The following CACNA1F variants were observed in gnomAD, a reference collection of about 807,000 sequenced individuals.
CACNA1F encodes calcium voltage-gated channel subunit alpha1 F, also known as voltage-dependent L-type calcium channel subunit alpha-1F.
In CACNA1F, 59 loss-of-function variants were observed where a neutral mutation model predicts 143.8. That is an observed-to-expected ratio of 0.41 (90% CI 0.33 to 0.51). The LOEUF (loss-of-function observed/expected upper bound fraction) is 0.51. Among genes scored for constraint, CACNA1F ranks in the 20% least tolerant of loss-of-function variants. The probability of loss-of-function intolerance (pLI) is 0.22; values close to 1 mark genes in which losing one functional copy is unlikely to be tolerated. For missense variants in CACNA1F, 1,411 were observed against 1,647.5 expected, an observed-to-expected ratio of 0.86 and a Z score of 2.48; for synonymous variants, 643 against 649.1, an observed-to-expected ratio of 0.99 and a Z score of 0.14.
rs781924581 is a variant in CACNA1F at position 49,205,127 on chromosome X, G to GGGTGGGAATTCAGAGGGCGT, written c.5891_*9dup. On this transcript the variant is annotated 3_prime_UTR_variant, in exon 48 of 48. Coordinates refer to ENST00000323022, the MANE Select transcript of CACNA1F (RefSeq NM_001256789.3). Reference sequence around the variant, plus strand: ...GGAGGTTTATTGAGCAGTTGGGGAGGGGTGGGAATTCAGAGGGCGTGGACG... The same window carrying GGGTGGGAATTCAGAGGGCGT: ...GGAGGTTTATTGAGCAGTTGGGGAGGGGTGGGAATTCAGAGGGCGTGGTGGGAATTCAGAGGGCGTGGACG... 1 of 1,170,254 alleles carries GGGTGGGAATTCAGAGGGCGT rather than the reference G, an allele frequency of 8.5e-7. No homozygotes were observed.
At chrX:49,212,636 G>C in intron 33 of CACNA1F, 31 bp downstream of exon 33, 1 of 1,201,278 alleles carries the variant, frequency 8.3e-7, no homozygotes, top group Non-Finnish European at 1.1e-6. Flanking sequence ...TGGGGGCGAG[G>C]TATGGTCAAA....
In CACNA1F at chrX:49,214,222, G is replaced by A. The variant is rs782541571; in HGVS notation, c.3645C>T (p.Asn1215=). ...TAGTGAAGAGGCCAGTGAAGACCAT[G>A]TTGAGGATGTCCATGGCATAGTTGA... is the stretch of plus-strand genomic sequence containing the variant. The part of the protein sequence containing the change: ...APFNYAMDIL[N]MVFTGLFTIE... The change falls in exon 30 of 48, where the codon AAC becomes AAT. Residue 1215 remains asparagine, a synonymous_variant. Transcript: ENST00000323022. 1 of 1,203,770 alleles carries A rather than the reference G, an allele frequency of 8.3e-7. No homozygotes were observed. Among genetic ancestry groups the A allele is most frequent in the Non-Finnish European group, 1.1e-6 (1 of 887,790 alleles).
At chrX:49,209,457 T>C in intron 41 of CACNA1F, 64 bp from the exon 42 acceptor site, 1 of 1,162,842 alleles carries the variant, frequency 8.6e-7, no homozygotes, top group Non-Finnish European at 1.2e-6. Flanking sequence ...CTGTTTCCCC[T>C]GCAGGCGGGT....
chrX:49,220,494 C>G lies in CACNA1F; in HGVS notation c.2365G>C (p.Gly789Arg). The G allele has an allele frequency of 1.7e-6, 2 of 1,208,615 alleles. No homozygotes were observed. The highest frequency in any genetic ancestry group is 2.2e-6 in the Non-Finnish European group (2 of 893,342). The change falls in exon 19 of 48, where the codon GGT becomes CGT. Residue 789 changes from glycine (G) to arginine (R), a missense_variant. Physicochemically the swap from Gly to Arg is moderately radical, Grantham distance 125 (BLOSUM62 -2). Transcript: ENST00000323022. ...VPGVEKEEEE[G>R]ARREGADMEE... ...TTGCCTGCTCCTTCCCTCCTTGCACCCTCCTCTTCCTCTTTCTCCACACCA... is the reference window on the plus strand; with the variant it reads ...TTGCCTGCTCCTTCCCTCCTTGCACGCTCCTCTTCCTCTTTCTCCACACCA...
chrX:49,230,425 C>A (rs1461820701), intron 5 of CACNA1F, 42 bp downstream of exon 5: 1 of 1,206,374 alleles, frequency 8.3e-7, no homozygotes, highest in African/African-American at 1.7e-5. Flanking sequence ...CTCAGCCCCA[C>A]CCCCACCCTC....
intron 6 of CACNA1F, among the ~76,000 whole-genome samples, chrX:49,228,917 C>A (rs1053491796): frequency 2.7e-5 from 3 of 111,930 alleles, no homozygotes; most frequent in East Asian, 5.6e-4. Context: ...AGGGCAGAAC[C>A]CTGCGAGCTC....
At position 49,215,208 on chromosome X, in the gene CACNA1F, G is replaced by A. The variant is rs2065698901; in HGVS notation, c.3475C>T (p.Leu1159Phe). The change falls in exon 29 of 48, where the codon CTC becomes TTC. Residue 1159 changes from leucine (L) to phenylalanine (F), a missense_variant. Leu to Phe is a conservative substitution (Grantham distance 22). Coordinates refer to ENST00000323022, the MANE Select transcript of CACNA1F (RefSeq NM_001256789.3). ...CVEYALKAQPLRRYIPKNPHQ... is the reference protein window; with the variant it reads ...CVEYALKAQPFRRYIPKNPHQ... ...GGGTTCTTGGGGATGTAACGGCGGAGTGGCTGGGCCTTGAGGGCATATTCC... is the reference window on the plus strand; with the variant it reads ...GGGTTCTTGGGGATGTAACGGCGGAATGGCTGGGCCTTGAGGGCATATTCC... The A allele has an allele frequency of 8.3e-7, 1 of 1,208,792 alleles. No individual in the cohort carries two copies. Among genetic ancestry groups the A allele is most frequent in the Admixed American group, 2.2e-5 (1 of 45,630 alleles).
At chrX:49,211,857 AC>A in intron 35 of CACNA1F, 40 bp downstream of exon 35, 3 of 1,108,709 alleles carry the variant, frequency 2.7e-6, no homozygotes, top group Non-Finnish European at 3.7e-6. Flanking sequence ...GTGGGTGGGC[AC>A]CCACGGGCAT....
In CACNA1F at chrX:49,210,350, G is replaced by T. The variant is rs1557105900; in HGVS notation, c.4539C>A (p.Asn1513Lys). Residue 1513 changes from asparagine to lysine, a missense_variant, in exon 39 of 48, where the codon AAC becomes AAA. Around this residue, in one of 3 missense-constraint regions of CACNA1F, gnomAD observed 112 missense variants for 169.2 expected, o/e 0.66. Transcript: ENST00000323022. ...PLNSDGTVTF[N>K]ATLFALVRTS... The stretch of plus-strand genomic sequence containing the variant: ...TCCGGACCAGGGCAAAGAGTGTGGC[G>T]TTGAATGTCACCGTCCCATCTGAGT... 1 of 1,208,799 alleles carries T rather than the reference G, an allele frequency of 8.3e-7. No homozygotes were observed. The highest frequency in any genetic ancestry group is 1.8e-5 in the South Asian group (1 of 56,935).
chrX:49,230,376 C>T lies in CACNA1F; in HGVS notation c.665-4G>A. Reference sequence around the variant, plus strand: ...GAATTGAGCACTATGTGCAGGCCTGCGGGGAGGGAGGGGGAGGCAGAAATA... The same window carrying T: ...GAATTGAGCACTATGTGCAGGCCTGTGGGGAGGGAGGGGGAGGCAGAAATA... On this transcript the variant is annotated splice_region_variant and splice_polypyrimidine_tract_variant and intron_variant, in intron 5 of 47. Coordinates refer to ENST00000323022, the MANE Select transcript of CACNA1F (RefSeq NM_001256789.3). The T allele has an allele frequency of 8.3e-7, 1 of 1,207,853 alleles. No homozygotes were observed. Among genetic ancestry groups the T allele is most frequent in the South Asian group, 1.8e-5 (1 of 56,526 alleles).
rs1557108102 is a variant in CACNA1F, at chrX:49,218,755, C to G, written c.2734-20G>C. On this transcript the variant is annotated intron_variant, in intron 22 of 47. Transcript: ENST00000323022. ...TGTCATCTGGGGACAGGACAAGAGG[C>G]TAGACTCAGACCTGGGGATGGTGGG... 4 of 729,486 alleles carry G rather than the reference C, an allele frequency of 5.5e-6. No individual in the cohort carries two copies. Among genetic ancestry groups the G allele is most frequent in the Non-Finnish European group, 7.5e-6 (4 of 532,912 alleles). The allele number at this position is 729,486 out of a possible 1,213,427, so 60.1% of individuals were successfully genotyped here. A position where few individuals can be genotyped will look rare whatever the true frequency, so the allele number is the denominator to read the frequency against.
At chrX:49,223,684 T>A (rs2065796467) in intron 14 of CACNA1F, among the ~76,000 whole-genome samples, 1 of 98,159 alleles carries the variant, frequency 1.0e-5, no homozygotes. Flanking sequence ...GGTAGGGGTA[T>A]AATGGGAGAC....
intron 6 of CACNA1F, 53 bp downstream of exon 6, chrX:49,230,167 C>A: frequency 9.1e-7 from 1 of 1,101,202 alleles, no homozygotes; most frequent in East Asian, 3.1e-5. Context: ...AGCATTGGAT[C>A]TAGGAACCGA....
At chrX:49,232,045 A>G in intron 1 of CACNA1F, 118 bp from the exon 2 acceptor site, 1 of 735,466 alleles carries the variant, frequency 1.4e-6, no homozygotes, top group East Asian at 3.5e-5. Context: ...AATTAGGGAG[A>G]ACTGGGAGTA....
Position 49,224,912 on chromosome X carries a change from C to T in CACNA1F, c.1726G>A (p.Ala576Thr), listed in dbSNP as rs782110948. Residue 576 changes from alanine to threonine, a missense_variant, in exon 14 of 48, where the codon GCC becomes ACC. By Grantham distance (58) the Ala-to-Thr change is moderately conservative. Transcript: ENST00000323022. Reference protein sequence around the residue: ...LLKLYGLGPSAYVSSFFNRFD... With the variant: ...LLKLYGLGPSTYVSSFFNRFD... The stretch of plus-strand genomic sequence containing the variant: ...CGGTTGAAGAAGGAAGACACATAGG[C>T]AGAGGGGCCCAGACCGTACAATTTG... 1.1e-5 allele frequency: 13 copies of T among 1,205,831 alleles called. No individual in the cohort carries two copies. The highest frequency in any genetic ancestry group is 1.5e-5 in the Non-Finnish European group (13 of 892,005).
At chrX:49,210,516 G>A in intron 38 of CACNA1F, 74 bp downstream of exon 38, 1 of 1,054,955 alleles carries the variant, frequency 9.5e-7, no homozygotes, top group East Asian at 3.0e-5. Flanking sequence ...CCCCACCCAA[G>A]GCAGATCCCT....
chrX:49,228,917 C>G (rs1053491796), intron 6 of CACNA1F, among the ~76,000 whole-genome samples: 1 of 111,930 alleles, frequency 8.9e-6, no homozygotes, highest in Non-Finnish European at 1.9e-5. Flanking sequence ...AGGGCAGAAC[C>G]CTGCGAGCTC....
Position 49,228,248 on chromosome X carries a change from C to T in CACNA1F, c.1014+3G>A. ...TGAGCTCTGTGCCCACAGTCCACCT[C>T]ACCCAGTAGAGCACATCGGTCCAGC... is the stretch of plus-strand genomic sequence containing the variant. On this transcript the variant is annotated splice_donor_region_variant and intron_variant, in intron 7 of 47. Transcript: ENST00000323022. The T allele has an allele frequency of 8.3e-7, 1 of 1,209,744 alleles. No homozygotes were observed. The highest frequency in any genetic ancestry group is 2.3e-4 in the Middle Eastern group (1 of 4,348).
chrX:49,222,060 C>T (rs1347494872), intron 17 of CACNA1F, among the ~76,000 whole-genome samples: 2 of 110,456 alleles, frequency 1.8e-5, no homozygotes, highest in Non-Finnish European at 3.8e-5. Context: ...CTTGAATACT[C>T]TTCCCCCAGA....
Sources: gnomAD v4.1 joint callset for allele counts (sites outside exome capture counted in the v4.1 genomes callset) on GRCh38, gnomAD v4.1.1 for gene constraint, gnomAD v4.1.1 regional missense constraint, MANE v1.5 for transcripts, NCBI Gene and HGNC (gene_info 2026-07-23, HGNC 2026-07-21) for gene names.